The following FOXP2 variants were observed in gnomAD, a reference collection of about 807,000 sequenced individuals.
FOXP2 encodes the protein forkhead box P2.
A neutral mutation model predicts 115.8 loss-of-function variants in FOXP2; 12 were observed. The ratio of observed to expected loss-of-function variants is 0.10; its 90% CI spans 0.07 to 0.17. The LOEUF (loss-of-function observed/expected upper bound fraction) is 0.17, where lower values mean the gene tolerates loss of function less well. Among genes scored for constraint, FOXP2 ranks in the 10% least tolerant of loss-of-function variants. The pLI, the probability that FOXP2 is intolerant of heterozygous loss-of-function variation, is 1.00. For synonymous variants in FOXP2, 328 were observed against 297.7 expected, an observed-to-expected ratio of 1.10 and a Z score of -1.05; for missense variants, 629 against 843.5, an observed-to-expected ratio of 0.75 and a Z score of 3.15.
chr7:114,183,792 C>T (rs552060241), intron 1 of FOXP2, among the ~76,000 whole-genome samples: 78 of 152,120 alleles, frequency 5.1e-4, no homozygotes, highest in African/African-American at 8.2e-4. Flanking sequence ...ATTAGTGATG[C>T]GCTGTTATAA....
rs1056876605 is a variant in FOXP2, at chr7:114,600,482, G to T, written c.259-28058G>T. Reference sequence around the variant, plus strand: ...TTTCAAAGCTGCTATAAACATTTGTGTGCAGAGTTTTGTGTAGATATGTCT... The same window carrying T: ...TTTCAAAGCTGCTATAAACATTTGTTTGCAGAGTTTTGTGTAGATATGTCT... On this transcript the variant is annotated intron_variant, in intron 3 of 16. Coordinates refer to ENST00000350908, the MANE Select transcript of FOXP2 (RefSeq NM_014491.4). 1.2e-4 allele frequency among the ~76,000 whole-genome samples: 18 copies of T among 152,158 alleles called. 1 individual carries two copies. Among genetic ancestry groups the T allele is most frequent in the Non-Finnish European group, 2.6e-4 (18 of 68,036 alleles).
In FOXP2 at chr7:114,306,974, C is replaced by T. The variant is rs1797030038; in HGVS notation, c.-11+18865C>T. On this transcript the variant is annotated intron_variant, in intron 2 of 17. Transcript: ENST00000634411. ...GGTCCACTGGCTAATTCCAGACGAT[C>T]TCCCTATTTTAGGATCAGCTGATTA... is the stretch of plus-strand genomic sequence containing the variant. Among the ~76,000 whole-genome samples, 3 of 152,150 alleles carry T rather than the reference C, an allele frequency of 2.0e-5. No individual in the cohort carries two copies. The South Asian group carries it at 6.2e-4, about 32-fold the overall frequency.
intron 10 of FOXP2, among the ~76,000 whole-genome samples, chr7:114,655,884 T>C (rs913592620): frequency 2.0e-5 from 3 of 152,166 alleles, no homozygotes; most frequent in Admixed American, 1.3e-4. Flanking sequence ...GGCCATGCTA[T>C]GGATGGATGA....
At chr7:114,508,107 T>A (rs1797912365) in intron 2 of FOXP2, among the ~76,000 whole-genome samples, 1 of 152,044 alleles carries the variant, frequency 6.6e-6, no homozygotes, top group South Asian at 2.1e-4. Flanking sequence ...AAACATATTT[T>A]ATTAAATAAT....
upstream of FOXP2, among the ~76,000 whole-genome samples, chr7:114,159,212 G>A (rs1292196517): frequency 6.6e-6 from 1 of 152,118 alleles, no homozygotes; most frequent in African/African-American, 2.4e-5. Context: ...TTAAGAAAGA[G>A]TGGTATCATG....
At chr7:114,639,363 T>C (rs1805399258) in intron 6 of FOXP2, among the ~76,000 whole-genome samples, 1 of 152,170 alleles carries the variant, frequency 6.6e-6, no homozygotes, top group Non-Finnish European at 1.5e-5. Flanking sequence ...CAAATATTTA[T>C]TGAGCACATG....
At chr7:114,576,117 G>C (rs1337067374) in intron 3 of FOXP2, among the ~76,000 whole-genome samples, 1 of 151,728 alleles carries the variant, frequency 6.6e-6, no homozygotes, top group Non-Finnish European at 1.5e-5. Context: ...AGATTGTTTT[G>C]TTAATTCCAT....
intron 2 of FOXP2, among the ~76,000 whole-genome samples, chr7:114,463,374 C>T (rs900528286): frequency 6.6e-6 from 1 of 152,172 alleles, no homozygotes; most frequent in African/African-American, 2.4e-5. Context: ...TGCTGTTCAA[C>T]ACAATGGCCA....
At chr7:114,305,165 T>C (rs1419179435) in intron 2 of FOXP2, among the ~76,000 whole-genome samples, 2 of 152,156 alleles carry the variant, frequency 1.3e-5, no homozygotes, top group Admixed American at 1.3e-4. Context: ...CATCTCATCA[T>C]TTGATATTTA....
At chr7:114,297,153 C>A (rs1796760109) in intron 2 of FOXP2, 5 of 491,012 alleles carry the variant, frequency 1.0e-5, no homozygotes, top group East Asian at 5.4e-5. Context: ...GCGCCCAGAA[C>A]GTTTCTCAGC....
intron 1 of FOXP2, among the ~76,000 whole-genome samples, chr7:114,191,424 C>G (rs1484758619): frequency 2.0e-5 from 3 of 152,128 alleles, no homozygotes; most frequent in Admixed American, 6.6e-5. Context: ...CTACACCTCC[C>G]TGGAGTGTGA....
rs10607299 is a variant in FOXP2, at chr7:114,212,075, T to TAAATAAAATAAAATAAAATA, written c.-102+49018_-102+49037dup. ...CTGGAGCGAAACTCAGTTTCAAAAA[T>TAAATAAAATAAAATAAAATA]AAATAAAATAAAATAAAATAAAATA... On this transcript the variant is annotated intron_variant, in intron 1 of 17. Coordinates refer to the FOXP2 transcript ENST00000634411. Among the ~76,000 whole-genome samples, 87 of 134,648 alleles carry TAAATAAAATAAAATAAAATA rather than the reference T, an allele frequency of 6.5e-4. 1 individual carries two copies. The highest frequency in any genetic ancestry group is 2.1e-3 in the African/African-American group (80 of 37,370). 88.3% of individuals were successfully genotyped at this position (134,648 alleles called of 152,430 possible).
intron 1 of FOXP2, among the ~76,000 whole-genome samples, chr7:114,415,609 A>T (rs1461847611): frequency 6.6e-6 from 1 of 151,942 alleles, no homozygotes; most frequent in Non-Finnish European, 1.5e-5. Context: ...ACAGCAAATA[A>T]AGAAGGCCTC....
chr7:114,530,358 A>C (rs1584857911), intron 2 of FOXP2, among the ~76,000 whole-genome samples: 1 of 152,020 alleles, frequency 6.6e-6, no homozygotes, highest in Admixed American at 6.6e-5. Flanking sequence ...TCAGCTCTCA[A>C]GAATGTGTCA....
chr7:114,513,261 G>C (rs975795658), intron 2 of FOXP2, among the ~76,000 whole-genome samples: 1 of 152,056 alleles, frequency 6.6e-6, no homozygotes, highest in South Asian at 2.1e-4. Flanking sequence ...ACAATATAGT[G>C]GAAACAGAAC....
At chr7:114,188,586 A>G (rs1215605055) in intron 1 of FOXP2, among the ~76,000 whole-genome samples, 2 of 152,172 alleles carry the variant, frequency 1.3e-5, no homozygotes, top group East Asian at 3.9e-4. Flanking sequence ...ACTTATTTGT[A>G]ACAAATCAAT....
chr7:114,479,235 G>T (rs570544392), intron 2 of FOXP2, among the ~76,000 whole-genome samples: 6 of 151,806 alleles, frequency 4.0e-5, no homozygotes, highest in East Asian at 1.9e-4. Flanking sequence ...TAATTGGAGT[G>T]CAGGCTTTTT....
Position 114,690,092 on chromosome 7 carries a change from C to A in FOXP2, c.*166C>A, listed in dbSNP as rs1395121286. 1 of 758,214 alleles carries A rather than the reference C, an allele frequency of 1.3e-6. No homozygotes were observed. The highest frequency in any genetic ancestry group is 2.3e-6 in the Non-Finnish European group (1 of 440,650). 47.0% of individuals were successfully genotyped at this position (758,214 alleles called of 1,614,324 possible). On this transcript the variant is annotated 3_prime_UTR_variant, in exon 17 of 17. Coordinates refer to ENST00000350908, the MANE Select transcript of FOXP2 (RefSeq NM_014491.4). ...AAGCCAGCCCTTTGGGATTCAGTAC[C>A]AACAGGCAAATTGCTTGTTTTCTTC... is the stretch of plus-strand genomic sequence containing the variant.
chr7:114,493,471 G>C (rs1797163459), intron 2 of FOXP2, among the ~76,000 whole-genome samples: 1 of 152,084 alleles, frequency 6.6e-6, no homozygotes, highest in Non-Finnish European at 1.5e-5. Flanking sequence ...GTATCACTCT[G>C]TGAAGACAGG....
Sources: allele counts gnomAD v4.1 joint callset (sites outside exome capture counted in the v4.1 genomes callset), GRCh38; gene constraint gnomAD v4.1.1; transcripts MANE v1.5; gene names NCBI Gene and HGNC (gene_info 2026-07-23, HGNC 2026-07-21).